The following SHISA9 variants were observed in gnomAD, a reference collection of about 807,000 sequenced individuals.
SHISA9 encodes protein shisa-9.
Under a neutral mutation model 38.0 loss-of-function variants are expected in SHISA9, and 13 were observed. The ratio of observed to expected loss-of-function variants is 0.34; its 90% confidence interval spans 0.22 to 0.54. The LOEUF (loss-of-function observed/expected upper bound fraction) is 0.54, where lower values mean the gene tolerates loss of function less well. Ranked by LOEUF, SHISA9 falls within the 20% of genes least tolerant of loss-of-function variation. SHISA9 has a pLI of 0.91. For synonymous variants in SHISA9, 275 were observed against 242.0 expected (o/e 1.14, Z -1.27); for missense variants, 538 against 575.8 (o/e 0.93, Z 0.67).
At chr16:13,071,571 C>CCTT (rs1445653646) in intron 2 of SHISA9, among the ~76,000 whole-genome samples, 6 of 134,404 alleles carry the variant, frequency 4.5e-5, no homozygotes, top group Admixed American at 2.3e-4. Context: ...CTTCCTTCCT[C>CCTT]CCTTCCTCCC....
chr16:13,149,762 T>C (rs2050480869), intron 2 of SHISA9, among the ~76,000 whole-genome samples: 1 of 151,360 alleles, frequency 6.6e-6, no homozygotes, highest in Non-Finnish European at 1.5e-5. Flanking sequence ...CCGTCTCTAC[T>C]AAAAATACAA....
chr16:12,924,826 T>C (rs1388155574), intron 2 of SHISA9, among the ~76,000 whole-genome samples: 2 of 152,090 alleles, frequency 1.3e-5, no homozygotes, highest in Non-Finnish European at 2.9e-5. Flanking sequence ...ACAACCAAGA[T>C]TGGGTATTTG....
At chr16:13,117,535 A>G (rs772893182) in intron 2 of SHISA9, among the ~76,000 whole-genome samples, 15 of 152,300 alleles carry the variant, frequency 9.8e-5, no homozygotes, top group Middle Eastern at 3.4e-3. Flanking sequence ...TTATCTGCCT[A>G]GGCCCTAAAT....
the SHISA9 span, among the ~76,000 whole-genome samples, chr16:13,543,778 G>A: frequency 1.3e-5 from 2 of 152,152 alleles, no homozygotes; most frequent in African/African-American, 2.4e-5. Context: ...GCTCGCCTCT[G>A]AGTAGCATCG....
chr16:13,548,025 C>A, the SHISA9 span, among the ~76,000 whole-genome samples: 11 of 152,116 alleles, frequency 7.2e-5, no homozygotes, highest in Non-Finnish European at 2.9e-5. Context: ...GAGACATAGA[C>A]CAATAGAAGA....
intron 2 of SHISA9, among the ~76,000 whole-genome samples, chr16:12,941,275 C>T (rs1183026691): frequency 2.0e-5 from 3 of 152,146 alleles, no homozygotes; most frequent in Admixed American, 6.5e-5. Flanking sequence ...TGCTTGAACC[C>T]AGGAGGCGGA....
intron 2 of SHISA9, among the ~76,000 whole-genome samples, chr16:13,163,041 C>A (rs1451120006): frequency 6.6e-6 from 1 of 152,118 alleles, no homozygotes; most frequent in Non-Finnish European, 1.5e-5. Context: ...TAGTCTTTAT[C>A]CTTCTCTTGT....
chr16:12,961,348 T>G, intron 2 of SHISA9, among the ~76,000 whole-genome samples: 1 of 152,124 alleles, frequency 6.6e-6, no homozygotes, highest in East Asian at 1.9e-4. Flanking sequence ...AGGAAGAGTC[T>G]GGTGTTTTTC....
At chr16:13,291,895 C>T in the SHISA9 span, among the ~76,000 whole-genome samples, 1 of 152,174 alleles carries the variant, frequency 6.6e-6, no homozygotes, top group Non-Finnish European at 1.5e-5. Flanking sequence ...GATCACAACA[C>T]ATGACTACTG....
intron 2 of SHISA9, among the ~76,000 whole-genome samples, chr16:13,142,087 A>G (rs186625423): frequency 1.1e-4 from 17 of 152,312 alleles, no homozygotes; most frequent in African/African-American, 4.1e-4. Flanking sequence ...CAGTGTCCCC[A>G]TTCTAGGAGC....
chr16:13,556,419 G>A, the SHISA9 span, among the ~76,000 whole-genome samples: 1 of 152,128 alleles, frequency 6.6e-6, no homozygotes, highest in Non-Finnish European at 1.5e-5. Context: ...CAATCAGCTT[G>A]GGAGGCCGAG....
intron 4 of SHISA9, among the ~76,000 whole-genome samples, chr16:13,214,534 G>T (rs535795020): frequency 1.1e-4 from 17 of 152,132 alleles, no homozygotes; most frequent in Non-Finnish European, 1.8e-4. Flanking sequence ...GCTCGAACTG[G>T]GGAAAATTAG....
At chr16:13,511,033 T>C in the SHISA9 span, among the ~76,000 whole-genome samples, 114,601 of 152,140 alleles carry the variant, frequency 0.75, 43,452 homozygotes, top group East Asian at 0.95. Context: ...AGCACATGGT[T>C]CAGTTTGGAC....
intron 2 of SHISA9, among the ~76,000 whole-genome samples, chr16:12,964,640 C>G (rs1160517325): frequency 6.6e-6 from 1 of 152,110 alleles, no homozygotes; most frequent in Non-Finnish European, 1.5e-5. Flanking sequence ...GACACACAAT[C>G]TGGCCCGAGA....
the SHISA9 span, among the ~76,000 whole-genome samples, chr16:13,264,277 T>C: frequency 1.3e-5 from 2 of 151,674 alleles, no homozygotes; most frequent in East Asian, 3.9e-4. Context: ...CAGGTTACAG[T>C]GTTTTTTGTG....
intron 2 of SHISA9, among the ~76,000 whole-genome samples, chr16:13,131,034 C>G (rs2050301775): frequency 6.6e-6 from 1 of 152,118 alleles, no homozygotes; most frequent in South Asian, 2.1e-4. Flanking sequence ...TTAGTTCAAC[C>G]ATTGTGGAAG....
At chr16:13,080,608 C>G (rs1207264146) in intron 2 of SHISA9, among the ~76,000 whole-genome samples, 1 of 152,084 alleles carries the variant, frequency 6.6e-6, no homozygotes, top group African/African-American at 2.4e-5. Context: ...ATTGAGAGGA[C>G]TGAGGAGATG....
At chr16:13,035,465 G>C (rs958074847) in intron 2 of SHISA9, among the ~76,000 whole-genome samples, 1 of 152,140 alleles carries the variant, frequency 6.6e-6, no homozygotes, top group Non-Finnish European at 1.5e-5. Flanking sequence ...ATAATTCAGA[G>C]TAAAGGGGAC....
intron 2 of SHISA9, among the ~76,000 whole-genome samples, chr16:13,003,916 A>G (rs59755834): frequency 0.1 from 15,639 of 151,222 alleles, 958 homozygotes; most frequent in Admixed American, 0.16. Flanking sequence ...AGAAGTTACA[A>G]CATCCATAAT....
Sources: gnomAD v4.1 joint callset for allele counts (sites outside exome capture counted in the v4.1 genomes callset) on GRCh38, gnomAD v4.1.1 for gene constraint, MANE v1.5 for transcripts, NCBI Gene and HGNC (gene_info 2026-07-23, HGNC 2026-07-21) for gene names.